The following COL12A1 variants were observed in gnomAD, a reference collection of about 807,000 sequenced individuals.
COL12A1 encodes collagen type XII alpha 1 chain, also known as collagen alpha-1(XII) chain.
A neutral mutation model predicts 349.7 loss-of-function variants in COL12A1; 114 were observed. The observed-to-expected ratio is 0.33, with a 90% CI of 0.28 to 0.38. COL12A1 has a LOEUF of 0.38. COL12A1 is among the 10% of genes least tolerant of loss of function. The pLI is 1.00. For missense variants in COL12A1, 3,284 were observed against 3,756.9 expected (o/e 0.87, Z 3.29); for synonymous variants, 1,369 against 1,329.0 (o/e 1.03, Z -0.66).
chr6:75,113,611 T>C lies in COL12A1; in HGVS notation c.7831A>G (p.Ile2611Val). 1 of 1,605,566 alleles carries C rather than the reference T, an allele frequency of 6.2e-7. No individual in the cohort carries two copies. Among genetic ancestry groups the C allele is most frequent in the South Asian group, 1.1e-5 (1 of 89,546 alleles). Reference protein sequence around the residue: ...DRDYKPQVGVIADPSSKTLSF... With the variant: ...DRDYKPQVGVVADPSSKTLSF... Reference sequence around the variant, plus strand: ...AGATAAAAATTCTTACGATCTGCAATCACTCCAACTTGTGGTTTGTAGTCT... The same window carrying C: ...AGATAAAAATTCTTACGATCTGCAACCACTCCAACTTGTGGTTTGTAGTCT... The change falls in exon 50 of 66, where the codon ATT becomes GTT. Residue 2611 changes from isoleucine to valine, a missense_variant. By Grantham distance (29) the Ile-to-Val change is conservative. This residue lies in a region of COL12A1 where 683 missense variants were observed against 932.1 expected (regional missense o/e 0.73). Coordinates refer to ENST00000322507, the MANE Select transcript of COL12A1 (RefSeq NM_004370.6).
At chr6:75,168,233 T>C (rs568364897) in intron 13 of COL12A1, among the ~76,000 whole-genome samples, 1 of 152,362 alleles carries the variant, frequency 6.6e-6, no homozygotes, top group South Asian at 2.1e-4. Flanking sequence ...AACACATTGA[T>C]AATTTTTTTT....
intron 1 of COL12A1, among the ~76,000 whole-genome samples, chr6:75,205,523 G>T (rs1349980325): frequency 1.3e-5 from 2 of 151,932 alleles, no homozygotes; most frequent in African/African-American, 4.8e-5. Flanking sequence ...AACACTGAAC[G>T]GGATGCTTTG....
intron 14 of COL12A1, among the ~76,000 whole-genome samples, chr6:75,162,698 AG>A (rs1473014732): frequency 2.0e-5 from 3 of 152,236 alleles, no homozygotes; most frequent in Non-Finnish European, 2.9e-5. Context: ...GCACAGCAAA[AG>A]AAACTATCAT....
At chr6:75,131,074 T>A in intron 35 of COL12A1, 93 bp from the exon 36 acceptor site, 3 of 1,534,058 alleles carry the variant, frequency 2.0e-6, no homozygotes, top group Non-Finnish European at 2.7e-6. Flanking sequence ...TATAATAAAA[T>A]GTTGAGCCCA....
In COL12A1 at chr6:75,092,587, T is replaced by C. The variant is rs536593795; in HGVS notation, c.8650-1062A>G. ...AACATCTAAATCATTGACAAATCAC[T>C]TCTCACCATCCCCATGGAAACCACT... On this transcript the variant is annotated intron_variant, in intron 60 of 65. Transcript: ENST00000322507. 4.6e-5 allele frequency among the ~76,000 whole-genome samples: 6 copies of C among 131,196 alleles called. No homozygotes were observed. The South Asian group carries it at 1.1e-3, about 25-fold the overall frequency. 86.1% of individuals were successfully genotyped at this position (131,196 alleles called of 152,430 possible). A position where few individuals can be genotyped will look rare whatever the true frequency, so the allele number is the denominator to read the frequency against.
intron 8 of COL12A1, among the ~76,000 whole-genome samples, chr6:75,187,188 G>A (rs1228992181): frequency 6.7e-6 from 1 of 149,120 alleles, no homozygotes; most frequent in Non-Finnish European, 1.5e-5. Context: ...TTAAAATGAT[G>A]TTTAAGTAGA....
intron 39 of COL12A1, among the ~76,000 whole-genome samples, chr6:75,125,875 T>C (rs866549539): frequency 1.3e-5 from 2 of 152,030 alleles, no homozygotes; most frequent in South Asian, 4.1e-4. Context: ...ACAGACAAAA[T>C]ATTAAAACAA....
chr6:75,133,822 A>G lies in COL12A1; in HGVS notation c.5664+36T>C, dbSNP rs769061254. On this transcript the variant is annotated intron_variant, in intron 33 of 65. Transcript: ENST00000322507. ...TTTTAAATCACTCAGCTACCATTTAAACAAACTAGCATTTTTTACTACAAG... is the reference window on the plus strand; with the variant it reads ...TTTTAAATCACTCAGCTACCATTTAGACAAACTAGCATTTTTTACTACAAG... The G allele has an allele frequency of 6.2e-6, 10 of 1,612,280 alleles. No homozygotes were observed. The Admixed American group carries it at 1.7e-4, about 27-fold the overall frequency.
chr6:75,137,966 C>T (rs911750548), intron 30 of COL12A1, among the ~76,000 whole-genome samples: 2 of 151,858 alleles, frequency 1.3e-5, no homozygotes, highest in African/African-American at 2.4e-5. Context: ...TGAGAGAGAC[C>T]GAGAAAGGGG....
At chr6:75,173,229 G>A (rs887478172) in intron 13 of COL12A1, among the ~76,000 whole-genome samples, 1 of 152,038 alleles carries the variant, frequency 6.6e-6, no homozygotes, top group Admixed American at 6.5e-5. Flanking sequence ...GGGGTTAAAG[G>A]TTTACTCCAG....
rs34336755 is a variant in COL12A1, at chr6:75,130,227, C to T, written c.6074G>A (p.Arg2025His). 123 of 1,613,472 alleles carry T rather than the reference C, an allele frequency of 7.6e-5. No homozygotes were observed. Among genetic ancestry groups the T allele is most frequent in the Non-Finnish European group, 9.3e-5 (110 of 1,179,780 alleles). Reference sequence around the variant, plus strand: ...GACTCTCAGGTTCCTTGGTCCACTGCGTGGTACTAAATAAATAAAATACAA... The same window carrying T: ...GACTCTCAGGTTCCTTGGTCCACTGTGTGGTACTAAATAAATAAAATACAA... ...PSPAQGRTLP[R>H]SGPRNLRVFG... The change falls in exon 37 of 66, where the codon CGC (arginine) becomes CAC (histidine). Residue 2025 changes from arginine (R) to histidine (H), a missense_variant. Around this residue, in one of 2 missense-constraint regions of COL12A1, gnomAD observed 2,601 missense variants for 2,824.8 expected, o/e 0.92. Transcript: ENST00000322507.
intron 51 of COL12A1, 115 bp from the exon 52 acceptor site, chr6:75,109,282 A>G: frequency 1.5e-6 from 1 of 682,038 alleles, no homozygotes; most frequent in Non-Finnish European, 2.3e-6. Context: ...ATCCTAAATC[A>G]AAAGTCTTAC....
chr6:75,112,121 T>C (rs10484914), intron 51 of COL12A1, among the ~76,000 whole-genome samples: 1 of 151,802 alleles, frequency 6.6e-6, no homozygotes, highest in Non-Finnish European at 1.5e-5. Context: ...ACAACTGGTA[T>C]TCCTGTTAAC....
intron 51 of COL12A1, among the ~76,000 whole-genome samples, chr6:75,110,650 A>G (rs1037686178): frequency 6.6e-6 from 1 of 151,986 alleles, no homozygotes; most frequent in African/African-American, 2.4e-5. Context: ...TCATCTTTCA[A>G]CAATAGAAGG....
Position 75,183,370 on chromosome 6 carries a change from G to A in COL12A1, c.1571C>T (p.Thr524Ile), listed in dbSNP as rs777958647. Residue 524 changes from threonine to isoleucine, a missense_variant, in exon 10 of 66, where the codon ACT (threonine) becomes ATT (isoleucine). By Grantham distance (89) the Thr-to-Ile change is moderately conservative. Around this residue, in one of 2 missense-constraint regions of COL12A1, gnomAD observed 2,601 missense variants for 2,824.8 expected, o/e 0.92. Transcript: ENST00000322507. ...GGSTNTGKAMTYVREKIFVPS... is the reference protein window; with the variant it reads ...GGSTNTGKAMIYVREKIFVPS... ...CACAAATATTTTCTCTCTGACATAA[G>A]TCATTGCTTTGCCAGTATTTGTAGA... 8.1e-6 allele frequency: 13 copies of A among 1,614,040 alleles called. 1 individual carries two copies. In the South Asian group the frequency reaches 1.4e-4, roughly 18 times the overall value.
chr6:75,091,236 CT>C (rs1767749773), intron 62 of COL12A1, 86 bp downstream of exon 62: 2 of 1,082,746 alleles, frequency 1.8e-6, no homozygotes, highest in Non-Finnish European at 2.7e-6. Context: ...AGAAATCTAT[CT>C]CTTAGAAACT....
intron 2 of COL12A1, among the ~76,000 whole-genome samples, chr6:75,195,218 A>G (rs1478975537): frequency 6.6e-6 from 1 of 152,208 alleles, no homozygotes; most frequent in Non-Finnish European, 1.5e-5. Context: ...CAAGCATAAT[A>G]GAAACATATT....
At chr6:75,134,246 A>T (rs894045829) in intron 32 of COL12A1, among the ~76,000 whole-genome samples, 3 of 152,104 alleles carry the variant, frequency 2.0e-5, no homozygotes, top group Admixed American at 1.3e-4. Flanking sequence ...CCACAAACAG[A>T]GACAAGTAAT....
At chr6:75,155,576 G>C in intron 16 of COL12A1, 86 bp downstream of exon 16, 4 of 1,301,536 alleles carry the variant, frequency 3.1e-6, no homozygotes, top group Non-Finnish European at 4.3e-6. Flanking sequence ...AGTGATATTT[G>C]TGTAAAGCCT....
Sources: gnomAD v4.1 joint callset for allele counts (sites outside exome capture counted in the v4.1 genomes callset) on GRCh38, gnomAD v4.1.1 for gene constraint, gnomAD v4.1.1 regional missense constraint, MANE v1.5 for transcripts, NCBI Gene and HGNC (gene_info 2026-07-23, HGNC 2026-07-21) for gene names.